KIAA0586: variants seen among roughly 807,000 people sequenced by gnomAD.
KIAA0586 encodes the protein protein TALPID3.
Under a neutral mutation model 169.8 loss-of-function variants are expected in KIAA0586, and 144 were observed. That is an observed-to-expected ratio of 0.85 (90% confidence interval 0.74 to 0.97). The LOEUF (loss-of-function observed/expected upper bound fraction) is 0.97. KIAA0586 is among the 50% of genes least tolerant of loss of function. The probability of loss-of-function intolerance (pLI) is 0.00; values close to 1 mark genes in which losing one functional copy is unlikely to be tolerated. For synonymous variants in KIAA0586, 625 were observed against 612.4 expected (o/e 1.02, Z -0.30); for missense variants, 1,854 against 1,823.0 (o/e 1.02, Z -0.31).
At chr14:58,503,738 A>T (rs1210459495) in intron 27 of KIAA0586, among the ~76,000 whole-genome samples, 1 of 151,984 alleles carries the variant, frequency 6.6e-6, no homozygotes, top group Non-Finnish European at 1.5e-5. Flanking sequence ...TCAAAGATGA[A>T]TAAATGCTTG....
chr14:58,540,211 C>T, intron 30 of KIAA0586, 75 bp downstream of exon 30: 1 of 803,636 alleles, frequency 1.2e-6, no homozygotes, highest in Non-Finnish European at 2.1e-6. Context: ...TTCTTTCTCT[C>T]ATAATAATCA....
chr14:58,427,964 T>C lies in KIAA0586; in HGVS notation c.-301T>C. 1 of 1,409,020 alleles carries C rather than the reference T, an allele frequency of 7.1e-7. No individual in the cohort carries two copies. The highest frequency in any genetic ancestry group is 9.2e-7 in the Non-Finnish European group (1 of 1,082,874). The allele number at this position is 1,409,020 out of a possible 1,614,324, so 87.3% of individuals were successfully genotyped here. Reference sequence around the variant, plus strand: ...ATGTGTTTGGTTTTGCCCTACCAGCTCTGGGGTTGGGGAGTGCACTGTTAT... The same window carrying C: ...ATGTGTTTGGTTTTGCCCTACCAGCCCTGGGGTTGGGGAGTGCACTGTTAT... On this transcript the variant is annotated 5_prime_UTR_variant, in exon 1 of 31. Transcript: ENST00000652326.
At chr14:58,532,958 T>TTAC (rs2038798879) in intron 29 of KIAA0586, among the ~76,000 whole-genome samples, 1 of 152,218 alleles carries the variant, frequency 6.6e-6, no homozygotes, top group South Asian at 2.1e-4. Flanking sequence ...TTAGTCTTTG[T>TTAC]TACACTTGTC....
chr14:58,497,894 T>A (rs1195558042), intron 26 of KIAA0586, among the ~76,000 whole-genome samples: 1 of 57,176 alleles, frequency 1.7e-5, no homozygotes, highest in Non-Finnish European at 3.8e-5. Context: ...TTTTTTTTTT[T>A]TGAGACAGAG....
intron 7 of KIAA0586, among the ~76,000 whole-genome samples, chr14:58,449,340 CATAT>C (rs2039161212): frequency 6.6e-6 from 1 of 152,062 alleles, no homozygotes; most frequent in South Asian, 2.1e-4. Flanking sequence ...CAACCTGGGA[CATAT>C]AGTGAGATCC....
rs1748970 is a variant in KIAA0586, at chr14:58,450,507, C to A, written c.962-72C>A. The A allele has an allele frequency of 1.3e-3, 1,005 of 802,194 alleles. 6 individuals carry two copies. The highest frequency in any genetic ancestry group is 8.3e-3 in the Middle Eastern group (35 of 4,198). 49.7% of individuals were successfully genotyped at this position (802,194 alleles called of 1,614,324 possible). On this transcript the variant is annotated intron_variant, in intron 7 of 30. Coordinates refer to ENST00000652326, the MANE Select transcript of KIAA0586 (RefSeq NM_001329943.3). ...TTTGAATTTATTTTTAAAGTATAGG[C>A]AAGAGTAATATGCTATAATTTTTAA... is the stretch of plus-strand genomic sequence containing the variant.
intron 29 of KIAA0586, among the ~76,000 whole-genome samples, chr14:58,534,427 C>A (rs1329156066): frequency 1.3e-5 from 2 of 152,094 alleles, no homozygotes; most frequent in South Asian, 2.1e-4. Flanking sequence ...AAACTTCTTT[C>A]CTACCAAAGA....
At chr14:58,483,632 T>A (rs1191606469) in intron 21 of KIAA0586, among the ~76,000 whole-genome samples, 1 of 152,174 alleles carries the variant, frequency 6.6e-6, no homozygotes. Flanking sequence ...TGAACTGATA[T>A]TTTTAATCTT....
intron 12 of KIAA0586, 22 bp from the exon 13 acceptor site, chr14:58,459,820 AT>A: frequency 1.5e-6 from 2 of 1,314,328 alleles, no homozygotes; most frequent in South Asian, 1.4e-5. Flanking sequence ...ATTTTAAGTA[AT>A]TTTAACTTTG....
Position 58,467,915 on chromosome 14 carries a change from C to A in KIAA0586, c.2435C>A (p.Thr812Asn). The A allele has an allele frequency of 1.2e-6, 2 of 1,611,146 alleles. No homozygotes were observed. The highest frequency in any genetic ancestry group is 3.3e-4 in the Middle Eastern group (2 of 6,040). The change falls in exon 16 of 31, where the codon ACT becomes AAT. Residue 812 changes from threonine to asparagine, a missense_variant. By Grantham distance (65) the Thr-to-Asn change is moderately conservative. Coordinates refer to ENST00000652326, the MANE Select transcript of KIAA0586 (RefSeq NM_001329943.3). ...KSEKKDPPQL[T>N]VQVLPSVDID... The stretch of plus-strand genomic sequence containing the variant: ...GAAAAAAAGGATCCTCCTCAGCTTA[C>A]TGTGCAGGTATGCCAGGGTGCATGA...
rs574381512 is a variant in KIAA0586 at position 58,469,792 on chromosome 14, A to G, written c.2443-821A>G. Among the ~76,000 whole-genome samples the G allele has an allele frequency of 2.6e-5, 4 of 152,360 alleles. No individual in the cohort carries two copies. The South Asian group carries it at 8.3e-4, about 32-fold the overall frequency. ...GGAAGTACAGTTTATCAGCAAGCAA[A>G]CTAAATAAGTTTTGCCAGTAACCAA... is the stretch of plus-strand genomic sequence containing the variant. On this transcript the variant is annotated intron_variant, in intron 16 of 30. Transcript: ENST00000652326.
upstream of KIAA0586, chr14:58,427,673 A>C (rs2036931877): frequency 6.5e-7 from 1 of 1,535,420 alleles, no homozygotes; most frequent in Non-Finnish European, 8.7e-7. Context: ...TTGTGTCTCA[A>C]GGGCGGGTTT....
intron 21 of KIAA0586, among the ~76,000 whole-genome samples, chr14:58,486,670 A>G (rs1413242627): frequency 1.3e-5 from 2 of 152,260 alleles, no homozygotes; most frequent in Admixed American, 1.3e-4. Context: ...TTTTAAAAAC[A>G]AACAACTACA....
intron 29 of KIAA0586, among the ~76,000 whole-genome samples, chr14:58,539,272 G>A (rs1048080428): frequency 1.3e-5 from 2 of 149,110 alleles, no homozygotes; most frequent in African/African-American, 5.2e-5. Context: ...AATAAATGAA[G>A]CTTAAGAGAT....
At chr14:58,429,027 A>C (rs970014618) in intron 1 of KIAA0586, among the ~76,000 whole-genome samples, 13 of 152,188 alleles carry the variant, frequency 8.5e-5, no homozygotes, top group Admixed American at 5.2e-4. Flanking sequence ...CAGCGGTGAC[A>C]CTCAAATAGT....
intron 27 of KIAA0586, among the ~76,000 whole-genome samples, chr14:58,505,371 G>A (rs902544610): frequency 1.1e-4 from 16 of 152,136 alleles, no homozygotes; most frequent in African/African-American, 3.4e-4. Context: ...ATTGATGGAT[G>A]TTTATTAACA....
intron 29 of KIAA0586, among the ~76,000 whole-genome samples, chr14:58,539,425 T>A (rs2140093257): frequency 6.6e-6 from 1 of 152,322 alleles, no homozygotes; most frequent in South Asian, 2.1e-4. Context: ...CAGCACAGAT[T>A]AACAGCATCA....
downstream of KIAA0586, among the ~76,000 whole-genome samples, chr14:58,555,593 A>T (rs2047237415): frequency 1.3e-5 from 2 of 152,204 alleles, no homozygotes; most frequent in Admixed American, 1.3e-4. Context: ...ATGAGACATT[A>T]TTCTACCACT....
At chr14:58,546,495 G>A (rs1025053547) in intron 30 of KIAA0586, among the ~76,000 whole-genome samples, 1 of 152,120 alleles carries the variant, frequency 6.6e-6, no homozygotes, top group Non-Finnish European at 1.5e-5. Flanking sequence ...AAATTACTGT[G>A]ACTCTTGTCT....
Sources: gnomAD v4.1 joint callset for allele counts (sites outside exome capture counted in the v4.1 genomes callset) on GRCh38, gnomAD v4.1.1 for gene constraint, MANE v1.5 for transcripts, NCBI Gene and HGNC (gene_info 2026-07-23, HGNC 2026-07-21) for gene names.